SNX9: variants seen among roughly 807,000 people sequenced by gnomAD.
SNX9 encodes sorting nexin-9.
In SNX9, 44 loss-of-function variants were observed where a neutral mutation model predicts 89.4. The observed-to-expected ratio is 0.49, with a 90% CI of 0.39 to 0.63. The LOEUF (loss-of-function observed/expected upper bound fraction) is 0.63. SNX9 is among the 30% of genes least tolerant of loss of function. The pLI is 0.00. For missense variants in SNX9, 578 were observed against 736.1 expected (o/e 0.79, Z 2.49); for synonymous variants, 236 against 247.8 (o/e 0.95, Z 0.45).
chr6:157,896,846 C>A lies in SNX9; in HGVS notation c.320C>A (p.Pro107His). Reference sequence around the variant, plus strand: ...CAATAGGTTGGCAGTGGCAATGACCCCTGGTCAGCCTGGAGTGCCTCCAAA... The same window carrying A: ...CAATAGGTTGGCAGTGGCAATGACCACTGGTCAGCCTGGAGTGCCTCCAAA... ...NNHQVGSGND[P>H]WSAWSASKSG... The change falls in exon 5 of 18, where the codon CCC becomes CAC. Residue 107 changes from proline (P) to histidine (H), a missense_variant. Physicochemically the swap from Pro to His is moderately conservative, Grantham distance 77. Coordinates refer to ENST00000392185, the MANE Select transcript of SNX9 (RefSeq NM_016224.5). 1 of 1,612,638 alleles carries A rather than the reference C, an allele frequency of 6.2e-7. No homozygotes were observed. Among genetic ancestry groups the A allele is most frequent in the Non-Finnish European group, 8.5e-7 (1 of 1,179,634 alleles).
chr6:157,860,103 C>T (rs765578764), intron 1 of SNX9, among the ~76,000 whole-genome samples: 1 of 152,162 alleles, frequency 6.6e-6, no homozygotes, highest in Non-Finnish European at 1.5e-5. Context: ...TATTTACTAT[C>T]TGGTCCTGTA....
At chr6:157,930,456 C>T (rs1168304928) in intron 12 of SNX9, among the ~76,000 whole-genome samples, 1 of 152,120 alleles carries the variant, frequency 6.6e-6, no homozygotes, top group Non-Finnish European at 1.5e-5. Context: ...AAGCAGAGGC[C>T]CCCAATCCCC....
intron 17 of SNX9, among the ~76,000 whole-genome samples, chr6:157,941,774 A>G (rs576935943): frequency 4.1e-4 from 63 of 152,316 alleles, no homozygotes; most frequent in Non-Finnish European, 6.2e-4. Context: ...TTAAAGGAGA[A>G]CTGTGCTTGA....
At chr6:157,930,694 G>C (rs1783794028) in intron 12 of SNX9, among the ~76,000 whole-genome samples, 1 of 152,190 alleles carries the variant, frequency 6.6e-6, no homozygotes, top group Non-Finnish European at 1.5e-5. Flanking sequence ...AGGTGGAACA[G>C]TTTCATCCCC....
At chr6:157,927,357 A>G in intron 11 of SNX9, 143 bp downstream of exon 11, 1 of 612,696 alleles carries the variant, frequency 1.6e-6, no homozygotes, top group Non-Finnish European at 2.9e-6. Flanking sequence ...TCCAATGACA[A>G]GGGAAACATC....
intron 1 of SNX9, among the ~76,000 whole-genome samples, chr6:157,844,587 G>GTTTTTTTTTTTTTTTTTT (rs1177648226): frequency 2.7e-4 from 35 of 130,292 alleles, no homozygotes; most frequent in East Asian, 6.7e-4. Context: ...GCTAATCCTT[G>GTTTTTTTTTTTTTTTTTT]TTTTTTTTTT....
intron 1 of SNX9, among the ~76,000 whole-genome samples, chr6:157,825,353 C>A (rs1781323434): frequency 6.6e-6 from 1 of 152,188 alleles, no homozygotes; most frequent in Non-Finnish European, 1.5e-5. Context: ...TCTACTGAGG[C>A]ATGTTATCTG....
At chr6:157,849,190 G>A (rs1284576822) in intron 1 of SNX9, among the ~76,000 whole-genome samples, 6 of 152,222 alleles carry the variant, frequency 3.9e-5, no homozygotes, top group Admixed American at 6.5e-5. Flanking sequence ...CCACGGAGGT[G>A]TTCAGGGTCA....
At chr6:157,940,391 G>C (rs769234635) in intron 16 of SNX9, among the ~76,000 whole-genome samples, 2 of 152,204 alleles carry the variant, frequency 1.3e-5, no homozygotes, top group Non-Finnish European at 2.9e-5. Context: ...TCATTTACTG[G>C]AAAGTAATGT....
Position 157,896,929 on chromosome 6 carries a change from C to T in SNX9, c.403C>T (p.Gln135Ter). ...GGCCCAGCCAGAGGGGGCTGGAGCC[C>T]AAAGAAACACAAACACTCCCAACAA... ...WGAQPEGAGAQRNTNTPNNWD... is the reference protein window; with the variant it reads ...WGAQPEGAGA Residue 135 changes from glutamine to a stop codon, truncating the protein, a stop_gained, in exon 5 of 18, where the codon CAA becomes TAA. Coordinates refer to ENST00000392185, the MANE Select transcript of SNX9 (RefSeq NM_016224.5). LOFTEE classifies it high-confidence loss of function. 1 of 1,612,814 alleles carries T rather than the reference C, an allele frequency of 6.2e-7. No individual in the cohort carries two copies. The highest frequency in any genetic ancestry group is 8.5e-7 in the Non-Finnish European group (1 of 1,179,632).
At chr6:157,919,942 T>C (rs1483088429) in intron 9 of SNX9, among the ~76,000 whole-genome samples, 1 of 151,910 alleles carries the variant, frequency 6.6e-6, no homozygotes, top group Admixed American at 6.6e-5. Flanking sequence ...TCCCTGGAAG[T>C]TCAGTTATTG....
intron 9 of SNX9, among the ~76,000 whole-genome samples, chr6:157,918,044 G>A (rs1466355732): frequency 1.3e-5 from 2 of 152,112 alleles, no homozygotes; most frequent in East Asian, 3.8e-4. Context: ...CATATGGTCT[G>A]TCATAGGGAA....
chr6:157,832,796 C>T (rs1159321454), intron 1 of SNX9, among the ~76,000 whole-genome samples: 1 of 152,204 alleles, frequency 6.6e-6, no homozygotes, highest in Non-Finnish European at 1.5e-5. Flanking sequence ...CCTCCCACAA[C>T]ATGTGGGGAT....
At chr6:157,874,355 GA>G (rs1782478177) in intron 3 of SNX9, 2 of 152,206 alleles carry the variant, frequency 1.3e-5, no homozygotes, top group South Asian at 4.1e-4. Flanking sequence ...TTGCATCCAG[GA>G]GCCCACAAAT....
chr6:157,923,505 A>G (rs531049046), intron 10 of SNX9, among the ~76,000 whole-genome samples: 1 of 152,172 alleles, frequency 6.6e-6, no homozygotes, highest in Non-Finnish European at 1.5e-5. Context: ...AAAATGTACA[A>G]AAGATCTACA....
At position 157,911,104 on chromosome 6, in the gene SNX9, CTCTG is replaced by C. The variant is rs201528600; in HGVS notation, c.949+1083_949+1086del. On this transcript the variant is annotated intron_variant, in intron 9 of 17. Coordinates refer to ENST00000392185, the MANE Select transcript of SNX9 (RefSeq NM_016224.5). ...CTCCAGCCCAGGCGACAGAGCGAGA[CTCTG>C]TCTCAAATAAATAAATAAATAAATA... Among the ~76,000 whole-genome samples the C allele has an allele frequency of 7.1e-3, 1,040 of 145,690 alleles. 15 individuals are homozygous for C. Among genetic ancestry groups the C allele is most frequent in the African/African-American group, 0.027 (1,001 of 36,734 alleles).
At chr6:157,862,938 A>G (rs143361302) in intron 1 of SNX9, among the ~76,000 whole-genome samples, 3 of 152,322 alleles carry the variant, frequency 2.0e-5, no homozygotes, top group Non-Finnish European at 4.4e-5. Context: ...GAGGAGATAC[A>G]TTGGCTCCAG....
At chr6:157,859,005 T>G (rs1782067407) in intron 1 of SNX9, among the ~76,000 whole-genome samples, 1 of 152,224 alleles carries the variant, frequency 6.6e-6, no homozygotes, top group Admixed American at 6.5e-5. Flanking sequence ...TTTTCCAATT[T>G]TCTGTGTTAT....
chr6:157,828,700 C>G (rs1275256757), intron 1 of SNX9, among the ~76,000 whole-genome samples: 1 of 151,974 alleles, frequency 6.6e-6, no homozygotes, highest in Non-Finnish European at 1.5e-5. Context: ...CACCATGTGT[C>G]CTGAACTGAG....
Sources: gnomAD v4.1 joint callset for allele counts (sites outside exome capture counted in the v4.1 genomes callset) on GRCh38, gnomAD v4.1.1 for gene constraint, MANE v1.5 for transcripts, NCBI Gene and HGNC (gene_info 2026-07-23, HGNC 2026-07-21) for gene names.